DMD: variants seen among roughly 807,000 people sequenced by gnomAD.
DMD encodes dystrophin, also known as mutant dystrophin.
In DMD, 63 loss-of-function variants were observed where a neutral mutation model predicts 330.1. That is an observed-to-expected ratio of 0.19 (90% confidence interval 0.16 to 0.24). DMD has a LOEUF of 0.24. Among genes scored for constraint, DMD ranks in the 10% least tolerant of loss-of-function variants. DMD has a pLI of 1.00. For synonymous variants in DMD, 1,223 were observed against 959.8 expected (o/e 1.27, Z -5.07); for missense variants, 3,344 against 2,684.1 (o/e 1.25, Z -5.43).
At chrX:31,194,274 T>A (rs1245522801) in intron 67 of DMD, among the ~76,000 whole-genome samples, 3 of 111,833 alleles carry the variant, frequency 2.7e-5, no homozygotes, top group African/African-American at 9.8e-5. Flanking sequence ...GACAAAAACC[T>A]TGACTAGATG....
At chrX:31,583,620 C>CT (rs2076440858) in intron 55 of DMD, among the ~76,000 whole-genome samples, 3 of 110,240 alleles carry the variant, frequency 2.7e-5, no homozygotes, top group Middle Eastern at 9.3e-3. Context: ...ATTTTCTTTT[C>CT]TTTTTTTAAA....
intron 62 of DMD, among the ~76,000 whole-genome samples, chrX:31,295,059 C>T (rs951128465): frequency 9.0e-5 from 10 of 111,028 alleles, no homozygotes; most frequent in Admixed American, 6.7e-4. Context: ...TGCAGTAGCG[C>T]GATCTCGGCT....
At chrX:32,854,507 A>G (rs1271243260) in intron 2 of DMD, among the ~76,000 whole-genome samples, 3 of 109,760 alleles carry the variant, frequency 2.7e-5, no homozygotes, top group Admixed American at 9.8e-5. Flanking sequence ...AACACAGCAT[A>G]CTAAAACTTG....
At chrX:32,735,633 T>G (rs1187913959) in intron 7 of DMD, among the ~76,000 whole-genome samples, 1 of 111,259 alleles carries the variant, frequency 9.0e-6, no homozygotes, top group Admixed American at 9.6e-5. Context: ...CTATCTGATC[T>G]TTGACAAACC....
chrX:31,671,061 C>T (rs986687562), intron 53 of DMD, among the ~76,000 whole-genome samples: 19 of 110,883 alleles, frequency 1.7e-4, no homozygotes, highest in Admixed American at 1.4e-3. Context: ...TACAGGCGCC[C>T]GCCACCGTGC....
At position 31,209,578 on chromosome X, in the gene DMD, C is replaced by G; in HGVS notation, c.9483G>C (p.Leu3161=). 8.3e-7 allele frequency: 1 copy of G among 1,211,526 alleles called. No individual in the cohort carries two copies. The highest frequency in any genetic ancestry group is 1.1e-6 in the Non-Finnish European group (1 of 895,318). ...INCLTTIYDR[L]EQEHNNLVNV... is the part of the protein sequence containing the mutation. The stretch of plus-strand genomic sequence containing the variant: ...TGACCAAATTGTTGTGCTCTTGCTC[C>G]AGGCGGTCATAAATAGTGGTCAAAC... The change falls in exon 65 of 79, where the codon CTG becomes CTC. Residue 3161 remains leucine (L), a synonymous_variant. Coordinates refer to ENST00000357033, the MANE Select transcript of DMD (RefSeq NM_004006.3).
intron 2 of DMD, among the ~76,000 whole-genome samples, chrX:32,952,820 T>C (rs746102203): frequency 9.0e-6 from 1 of 110,723 alleles, no homozygotes; most frequent in East Asian, 2.8e-4. Context: ...ACTACCTTAG[T>C]AGAGCTTCCA....
intron 11 of DMD, among the ~76,000 whole-genome samples, chrX:32,618,310 A>G (rs1411991477): frequency 8.9e-6 from 1 of 112,472 alleles, no homozygotes; most frequent in Non-Finnish European, 1.9e-5. Flanking sequence ...GTAAACACAT[A>G]CCATGGAATA....
chrX:32,311,876 T>C (rs747351258), intron 41 of DMD, among the ~76,000 whole-genome samples: 16 of 111,807 alleles, frequency 1.4e-4, no homozygotes, highest in Non-Finnish European at 2.6e-4. Flanking sequence ...CAAGCTTGTG[T>C]TTTGCACGCA....
chrX:32,319,160 T>G (rs1258377858), intron 41 of DMD, among the ~76,000 whole-genome samples: 1 of 111,557 alleles, frequency 9.0e-6, no homozygotes, highest in East Asian at 2.8e-4. Context: ...TGATAAAATT[T>G]TAGTCACTAA....
chrX:32,470,455 CT>C (rs58881720), intron 22 of DMD, among the ~76,000 whole-genome samples: 9,032 of 109,415 alleles, frequency 0.083, 860 homozygotes, highest in African/African-American at 0.27. Context: ...ATGTTCATAT[CT>C]TTTTTTTTAG....
chrX:32,277,427 A>G (rs2097394718), intron 43 of DMD, among the ~76,000 whole-genome samples: 3 of 104,282 alleles, frequency 2.9e-5, no homozygotes, highest in African/African-American at 7.0e-5. Context: ...CAGAAGCTCA[A>G]CCAAAGTAGT....
rs2053624455 is a variant in DMD, at chrX:33,299,045, C to T, written c.7+40214G>A. Among the ~76,000 whole-genome samples the T allele has an allele frequency of 1.8e-5, 2 of 111,819 alleles. 1 individual carries two copies. Among genetic ancestry groups the T allele is most frequent in the Admixed American group, 1.9e-4 (2 of 10,500 alleles). On this transcript the variant is annotated intron_variant, in intron 1 of 17. Transcript: ENST00000288447. ...TATTTCATAATAGGTACAGAGAATA[C>T]ATAACTTAAATGAAACTCATCATTA...
intron 55 of DMD, among the ~76,000 whole-genome samples, chrX:31,575,100 T>C (rs1376884051): frequency 8.9e-6 from 1 of 112,051 alleles, no homozygotes; most frequent in Non-Finnish European, 1.9e-5. Flanking sequence ...CCTGGTCTTG[T>C]TGTATAAACA....
intron 60 of DMD, among the ~76,000 whole-genome samples, chrX:31,399,569 GC>G (rs1427961397): frequency 9.0e-6 from 1 of 111,070 alleles, no homozygotes; most frequent in Non-Finnish European, 1.9e-5. Flanking sequence ...ATGGGGACCT[GC>G]CCTCTTCTGC....
intron 54 of DMD, among the ~76,000 whole-genome samples, chrX:31,641,674 C>T (rs900917622): frequency 7.2e-5 from 8 of 111,204 alleles, no homozygotes; most frequent in Admixed American, 6.7e-4. Flanking sequence ...TCCTACAAGA[C>T]ACCATGTTAT....
At chrX:33,266,349 G>T (rs2053041173) in intron 1 of DMD, among the ~76,000 whole-genome samples, 2 of 111,884 alleles carry the variant, frequency 1.8e-5, no homozygotes, top group Non-Finnish European at 1.9e-5. Flanking sequence ...GTTGAAATCA[G>T]CAAGAGTTTG....
At chrX:31,215,004 C>CG (rs1395200623) in intron 64 of DMD, among the ~76,000 whole-genome samples, 1 of 83,405 alleles carries the variant, frequency 1.2e-5, no homozygotes, top group East Asian at 4.4e-4. Context: ...GACAGTGGCG[C>CG]GATCTCGGCT....
At chrX:32,795,414 T>C (rs1344149160) in intron 7 of DMD, among the ~76,000 whole-genome samples, 1 of 112,202 alleles carries the variant, frequency 8.9e-6, no homozygotes, top group Non-Finnish European at 1.9e-5. Flanking sequence ...GATTGTCAGA[T>C]GCAGAAGTAT....
Sources: gnomAD v4.1 joint callset for allele counts (sites outside exome capture counted in the v4.1 genomes callset) on GRCh38, gnomAD v4.1.1 for gene constraint, MANE v1.5 for transcripts, NCBI Gene and HGNC (gene_info 2026-07-23, HGNC 2026-07-21) for gene names.